Variants in CCSER2 observed in about 807,000 individuals in gnomAD.
CCSER2 encodes coiled-coil serine rich protein 2.
CCSER2 carries 46 observed loss-of-function variants against 92.3 expected under a neutral mutation model. The observed-to-expected ratio is 0.50, with a 90% CI of 0.39 to 0.64. The LOEUF (loss-of-function observed/expected upper bound fraction) is 0.64, where lower values mean the gene tolerates loss of function less well. Among genes scored for constraint, CCSER2 ranks in the 30% least tolerant of loss-of-function variants. The pLI is 0.00. For missense variants in CCSER2, 1,244 were observed against 1,238.9 expected (o/e 1.00, Z -0.06); for synonymous variants, 433 against 431.4 (o/e 1.00, Z -0.04).
chr10:84,383,881 G>A (rs2133224615), intron 3 of CCSER2, among the ~76,000 whole-genome samples: 1 of 152,238 alleles, frequency 6.6e-6, no homozygotes, highest in Admixed American at 6.5e-5. Context: ...AAACAAAATT[G>A]ACAGGCTGCC....
chr10:84,342,823 T>G (rs1429051887), intron 1 of CCSER2, among the ~76,000 whole-genome samples: 1 of 152,238 alleles, frequency 6.6e-6, no homozygotes, highest in African/African-American at 2.4e-5. Context: ...TAGACCATCA[T>G]GCCCATGTTC....
chr10:84,488,201 C>CT (rs1300338745), intron 9 of CCSER2, among the ~76,000 whole-genome samples: 1 of 152,056 alleles, frequency 6.6e-6, no homozygotes, highest in East Asian at 1.9e-4. Flanking sequence ...CTAAAATTCT[C>CT]TTTTTTTGTT....
At position 84,510,144 on chromosome 10, in the gene CCSER2, G is replaced by T. The variant is rs188223992; in HGVS notation, c.2326-3305G>T. Among the ~76,000 whole-genome samples the T allele has an allele frequency of 2.6e-5, 4 of 152,222 alleles. No individual in the cohort carries two copies. In the East Asian group the frequency reaches 7.7e-4, roughly 29 times the overall value. On this transcript the variant is annotated intron_variant, in intron 9 of 9. Transcript: ENST00000372088. ...GGAGCTGGCCCTTAGCTATGCTTTTGCACTATCCTTTCAAATTCAGTCTAA... is the reference window on the plus strand; with the variant it reads ...GGAGCTGGCCCTTAGCTATGCTTTTTCACTATCCTTTCAAATTCAGTCTAA...
chr10:84,400,678 C>CT (rs2133311320), intron 3 of CCSER2, among the ~76,000 whole-genome samples: 1 of 152,264 alleles, frequency 6.6e-6, no homozygotes, highest in South Asian at 2.1e-4. Context: ...CTTTGGGAGG[C>CT]TGAGGCGGGT....
At chr10:84,378,078 ATGT>A (rs2133199923) in intron 3 of CCSER2, among the ~76,000 whole-genome samples, 1 of 152,320 alleles carries the variant, frequency 6.6e-6, no homozygotes, top group South Asian at 2.1e-4. Context: ...CACCAACGTG[ATGT>A]TGAATTGAAA....
chr10:84,360,835 C>G (rs1214005576), intron 1 of CCSER2, among the ~76,000 whole-genome samples: 1 of 152,242 alleles, frequency 6.6e-6, no homozygotes, highest in African/African-American at 2.4e-5. Context: ...CTGATACACA[C>G]AAGCACTGTG....
chr10:84,381,381 A>G lies in CCSER2; in HGVS notation c.1614+7566A>G, dbSNP rs76730189. Reference sequence around the variant, plus strand: ...AAAGAGTTAATGTCGCAGGTCTAAGATTGCCTCTTCTTAGATAACCCGCTT... The same window carrying G: ...AAAGAGTTAATGTCGCAGGTCTAAGGTTGCCTCTTCTTAGATAACCCGCTT... On this transcript the variant is annotated intron_variant, in intron 3 of 9. Transcript: ENST00000372088. 9.2e-5 allele frequency among the ~76,000 whole-genome samples: 14 copies of G among 152,280 alleles called. No individual in the cohort carries two copies. In the East Asian group the frequency reaches 2.3e-3, roughly 25 times the overall value.
chr10:84,394,366 G>C (rs1841701604), intron 3 of CCSER2, among the ~76,000 whole-genome samples: 1 of 144,346 alleles, frequency 6.9e-6, no homozygotes, highest in African/African-American at 2.6e-5. Context: ...ATATGCTCTT[G>C]AAATAACAAA....
chr10:84,393,768 A>G (rs915175986), intron 3 of CCSER2: 1 of 152,604 alleles, frequency 6.6e-6, no homozygotes, highest in Admixed American at 6.5e-5. Flanking sequence ...ACACATTATG[A>G]CATAACCTAT....
chr10:84,444,063 C>T lies in CCSER2; in HGVS notation c.2064+5356C>T, dbSNP rs569593373. On this transcript the variant is annotated intron_variant, in intron 6 of 9. Coordinates refer to ENST00000372088, the MANE Select transcript of CCSER2 (RefSeq NM_001284240.2). Reference sequence around the variant, plus strand: ...GTAGATGACAGGTCAATGGGTGTAGCAAACCGCTATGGCACATGTATACCA... The same window carrying T: ...GTAGATGACAGGTCAATGGGTGTAGTAAACCGCTATGGCACATGTATACCA... 7.3e-4 allele frequency among the ~76,000 whole-genome samples: 111 copies of T among 152,040 alleles called. 1 individual carries two copies. The highest frequency in any genetic ancestry group is 3.8e-4 in the Non-Finnish European group (26 of 68,000).
In CCSER2 at chr10:84,349,292, A is replaced by G. The variant is rs564807498; in HGVS notation, c.-40+20484A>G. 1.0e-3 allele frequency among the ~76,000 whole-genome samples: 154 copies of G among 152,304 alleles called. 4 individuals are homozygous for G. The South Asian group carries it at 0.03, about 30-fold the overall frequency. The stretch of plus-strand genomic sequence containing the variant: ...TTAATTGTTCAAGCCAGAAACCTGA[A>G]GCTTATTTGGTTTCTCTTTTAACTT... On this transcript the variant is annotated intron_variant, in intron 1 of 9. Transcript: ENST00000372088.
intron 3 of CCSER2, among the ~76,000 whole-genome samples, chr10:84,388,784 T>A (rs1841362388): frequency 6.6e-6 from 1 of 152,140 alleles, no homozygotes; most frequent in Non-Finnish European, 1.5e-5. Flanking sequence ...ATCCCTCATG[T>A]GCGCAGTTCA....
chr10:84,470,013 ATTTT>A (rs67106487), intron 7 of CCSER2, among the ~76,000 whole-genome samples: 1,964 of 96,464 alleles, frequency 0.02, 23 homozygotes, highest in Non-Finnish European at 0.025. Context: ...TTTGTATGTG[ATTTT>A]TTTTTTTTTT....
At chr10:84,434,669 T>C (rs1375861117) in intron 5 of CCSER2, among the ~76,000 whole-genome samples, 1 of 151,866 alleles carries the variant, frequency 6.6e-6, no homozygotes, top group Non-Finnish European at 1.5e-5. Context: ...TTAATAATAT[T>C]ATAGTAAGTC....
chr10:84,416,847 C>T (rs1012929445), intron 3 of CCSER2, among the ~76,000 whole-genome samples: 15 of 152,052 alleles, frequency 9.9e-5, no homozygotes, highest in Non-Finnish European at 5.9e-5. Context: ...AGGAGAATGG[C>T]GTGAACCCAG....
intron 4 of CCSER2, among the ~76,000 whole-genome samples, chr10:84,424,233 CA>C (rs2133424921): frequency 6.6e-6 from 1 of 150,692 alleles, no homozygotes; most frequent in South Asian, 2.1e-4. Flanking sequence ...CATTTTTGGA[CA>C]TAATGGTCAC....
At chr10:84,474,559 G>C (rs916764597) in intron 8 of CCSER2, among the ~76,000 whole-genome samples, 20 of 151,526 alleles carry the variant, frequency 1.3e-4, no homozygotes, top group Admixed American at 5.9e-4. Flanking sequence ...TACTCAGGAG[G>C]CTGAGACAGG....
chr10:84,381,653 C>T (rs1339634230), intron 3 of CCSER2, among the ~76,000 whole-genome samples: 1 of 151,998 alleles, frequency 6.6e-6, no homozygotes, highest in East Asian at 1.9e-4. Context: ...GTGGGCCGGG[C>T]GCGGTGGCTC....
intron 1 of CCSER2, among the ~76,000 whole-genome samples, chr10:84,347,365 G>GC (rs896176823): frequency 2.6e-5 from 4 of 151,778 alleles, no homozygotes; most frequent in South Asian, 2.1e-4. Context: ...GGGCAGAGGT[G>GC]CCCCCCCACC....
Sources: allele counts gnomAD v4.1 joint callset (sites outside exome capture counted in the v4.1 genomes callset), GRCh38; gene constraint gnomAD v4.1.1; transcripts MANE v1.5; gene names NCBI Gene and HGNC (gene_info 2026-07-23, HGNC 2026-07-21).